The following SEL1L3 variants were observed in gnomAD, a reference collection of about 807,000 sequenced individuals.
SEL1L3 encodes the protein SEL1L family member 3, also known as protein sel-1 homolog 3.
Under a neutral mutation model 142.8 loss-of-function variants are expected in SEL1L3, and 76 were observed. The observed-to-expected ratio is 0.53, with a 90% confidence interval of 0.44 to 0.64. The LOEUF (loss-of-function observed/expected upper bound fraction) is 0.64. SEL1L3 is among the 30% of genes least tolerant of loss of function. SEL1L3 has a pLI of 0.00. For missense variants in SEL1L3, 1,262 were observed against 1,381.7 expected, an observed-to-expected ratio of 0.91 and a Z score of 1.37; for synonymous variants, 504 against 519.6, an observed-to-expected ratio of 0.97 and a Z score of 0.41.
At chr4:25,766,257 G>T (rs1718719823) in intron 19 of SEL1L3, among the ~76,000 whole-genome samples, 1 of 152,030 alleles carries the variant, frequency 6.6e-6, no homozygotes, top group Non-Finnish European at 1.5e-5. Context: ...TGGCTAACAT[G>T]GTGAAATCCC....
At chr4:25,741,348 G>A in the SEL1L3 span, among the ~76,000 whole-genome samples, 4 of 151,592 alleles carry the variant, frequency 2.6e-5, no homozygotes, top group Non-Finnish European at 5.9e-5. Context: ...TAATCCGCCC[G>A]CCTCAGCCTC....
chr4:25,763,096 T>A (rs1162043267), intron 20 of SEL1L3, among the ~76,000 whole-genome samples: 1 of 152,066 alleles, frequency 6.6e-6, no homozygotes, highest in Non-Finnish European at 1.5e-5. Flanking sequence ...CATAGAATTG[T>A]CAGTGCATTC....
chr4:25,826,336 T>A (rs1560335738), intron 6 of SEL1L3, among the ~76,000 whole-genome samples: 1 of 152,292 alleles, frequency 6.6e-6, no homozygotes, highest in South Asian at 2.1e-4. Context: ...TCTCACACTA[T>A]CCTTGTAGGA....
At chr4:25,809,327 T>G (rs1415908605) in intron 9 of SEL1L3, among the ~76,000 whole-genome samples, 27 of 149,008 alleles carry the variant, frequency 1.8e-4, no homozygotes, top group African/African-American at 6.4e-4. Context: ...TTTTTTTTGG[T>G]AGAGACAGGA....
the SEL1L3 span, among the ~76,000 whole-genome samples, chr4:25,739,953 A>G: frequency 1.3e-5 from 2 of 151,616 alleles, no homozygotes; most frequent in East Asian, 2.0e-4. Flanking sequence ...TTTTAACTGA[A>G]TTAATTAATT....
chr4:25,832,968 C>T (rs772626518), intron 5 of SEL1L3, 27 bp downstream of exon 5: 7 of 1,318,894 alleles, frequency 5.3e-6, no homozygotes, highest in East Asian at 4.6e-5. Flanking sequence ...GCTCGTATGT[C>T]GTGTGATGAA....
At chr4:25,853,304 C>A (rs577055104) in intron 1 of SEL1L3, among the ~76,000 whole-genome samples, 1 of 152,106 alleles carries the variant, frequency 6.6e-6, no homozygotes, top group Non-Finnish European at 1.5e-5. Context: ...TCCACAGAGC[C>A]GTCCCTTCAA....
At chr4:25,717,510 A>T in the SEL1L3 span, among the ~76,000 whole-genome samples, 2 of 152,094 alleles carry the variant, frequency 1.3e-5, no homozygotes. Context: ...TACTAAAAAT[A>T]CAAAAAATTG....
intron 1 of SEL1L3, among the ~76,000 whole-genome samples, chr4:25,855,809 G>T (rs1394482299): frequency 6.6e-6 from 1 of 151,804 alleles, no homozygotes; most frequent in Admixed American, 6.6e-5. Context: ...AGGTGCCTCA[G>T]TGGCCCTGAG....
Position 25,779,025 on chromosome 4 carries a change from G to T in SEL1L3, c.2585+51C>A, listed in dbSNP as rs948670598. ...AACTTAAAAAATGCTCAGGCACAGA[G>T]AATATAGGATATGGCTTTCCCTTCA... On this transcript the variant is annotated intron_variant, in intron 16 of 23. Transcript: ENST00000399878. 3.8e-6 allele frequency: 6 copies of T among 1,586,990 alleles called. No individual in the cohort carries two copies. In the East Asian group the frequency reaches 1.1e-4, roughly 30 times the overall value.
chr4:25,720,718 G>A, the SEL1L3 span: 7 of 152,160 alleles, frequency 4.6e-5, no homozygotes. Flanking sequence ...GAGCCGTAGA[G>A]CCCATCAGCG....
intron 23 of SEL1L3, among the ~76,000 whole-genome samples, chr4:25,755,492 A>G (rs1212554791): frequency 6.6e-6 from 1 of 152,126 alleles, no homozygotes; most frequent in Non-Finnish European, 1.5e-5. Flanking sequence ...AGAATTAAAT[A>G]ATTTTTATGA....
chr4:25,771,672 C>T (rs1266858742), intron 17 of SEL1L3, among the ~76,000 whole-genome samples: 1 of 152,160 alleles, frequency 6.6e-6, no homozygotes, highest in African/African-American at 2.4e-5. Context: ...TGCCTTGCCT[C>T]AAGCCCACTA....
rs758148687 is a variant in SEL1L3, at chr4:25,833,402, A to G, written c.982+46T>C. The G allele has an allele frequency of 1.3e-6, 2 of 1,561,520 alleles. 1 individual carries two copies. The highest frequency in any genetic ancestry group is 2.3e-5 in the South Asian group (2 of 86,562). On this transcript the variant is annotated intron_variant, in intron 4 of 23. Coordinates refer to ENST00000399878, the MANE Select transcript of SEL1L3 (RefSeq NM_015187.5). ...AGACATATCTGTCACTAGGCAGAGC[A>G]TTACAAAATTACAATATCATTTTAA...
chr4:25,742,804 C>CT (rs1717158166), downstream of SEL1L3, among the ~76,000 whole-genome samples: 1 of 152,038 alleles, frequency 6.6e-6, no homozygotes, highest in South Asian at 2.1e-4. Context: ...TTGTTGGATA[C>CT]TTTACTGAGA....
At chr4:25,851,672 C>T (rs760649473) in intron 1 of SEL1L3, among the ~76,000 whole-genome samples, 2 of 151,758 alleles carry the variant, frequency 1.3e-5, no homozygotes, top group Admixed American at 6.6e-5. Context: ...GGGCGGTTCA[C>T]GAAGTCAAGA....
In SEL1L3 at chr4:25,847,311, T is replaced by G; in HGVS notation, c.716A>C (p.Gln239Pro). 1 of 1,613,106 alleles carries G rather than the reference T, an allele frequency of 6.2e-7. No individual in the cohort carries two copies. Among genetic ancestry groups the G allele is most frequent in the Non-Finnish European group, 8.5e-7 (1 of 1,179,370 alleles). The change falls in exon 2 of 24, where the codon CAG becomes CCG. Residue 239 changes from glutamine (Q) to proline (P), a missense_variant. By Grantham distance (76) the Gln-to-Pro change is moderately conservative (BLOSUM62 -1). Coordinates refer to ENST00000399878, the MANE Select transcript of SEL1L3 (RefSeq NM_015187.5). ...TGACCTACCATTTTCCAGAGGACAC[T>G]GTGGAATCCTGTTTGCCCGAAGGTT... The part of the protein sequence containing the change: ...IWNLRANRIP[Q>P]CPLENDVVAL...
At chr4:25,773,692 T>TC (rs1255108689) in intron 17 of SEL1L3, 1 of 152,166 alleles carries the variant, frequency 6.6e-6, no homozygotes, top group African/African-American at 2.4e-5. Context: ...TATTGATGGC[T>TC]CCCCACTGCT....
At chr4:25,761,400 C>T (rs1718368064) in intron 20 of SEL1L3, among the ~76,000 whole-genome samples, 1 of 152,158 alleles carries the variant, frequency 6.6e-6, no homozygotes, top group African/African-American at 2.4e-5. Flanking sequence ...AGTTAATCCG[C>T]CCACCTTGGC....
Sources: gnomAD v4.1 joint callset for allele counts (sites outside exome capture counted in the v4.1 genomes callset) on GRCh38, gnomAD v4.1.1 for gene constraint, MANE v1.5 for transcripts, NCBI Gene and HGNC (gene_info 2026-07-23, HGNC 2026-07-21) for gene names.